The following DST variants were observed in gnomAD, a reference collection of about 807,000 sequenced individuals.
DST encodes the protein bullous pemphigoid antigen.
DST carries 253 observed loss-of-function variants against 875.2 expected under a neutral mutation model. The observed-to-expected ratio is 0.29, with a 90% CI of 0.26 to 0.32. The LOEUF (loss-of-function observed/expected upper bound fraction) is 0.32, where lower values mean the gene tolerates loss of function less well. Ranked by LOEUF, DST falls within the 10% of genes least tolerant of loss-of-function variation. The probability of loss-of-function intolerance (pLI) is 1.00; values close to 1 mark genes in which losing one functional copy is unlikely to be tolerated. For missense variants in DST, 8,287 were observed against 9,111.6 expected, an observed-to-expected ratio of 0.91 and a Z score of 3.68; for synonymous variants, 3,124 against 3,197.1, an observed-to-expected ratio of 0.98 and a Z score of 0.77.
chr6:56,635,463 G>A, intron 24 of DST, 126 bp downstream of exon 24: 2 of 955,530 alleles, frequency 2.1e-6, no homozygotes, highest in South Asian at 1.5e-5. Flanking sequence ...AACTGAATGT[G>A]CAAATGTGTA....
chr6:56,625,640 A>T (rs1425731314), intron 34 of DST, among the ~76,000 whole-genome samples: 3 of 152,044 alleles, frequency 2.0e-5, no homozygotes, highest in Non-Finnish European at 4.4e-5. Flanking sequence ...AATTATGTTC[A>T]GTATGTAATA....
Position 56,546,347 on chromosome 6 carries a change from CATATATATATATATATAT to C in DST, c.16608+5819_16608+5836del, listed in dbSNP as rs10617867. ...TATTAATTGAAATATATACATATTT[CATATATATATATATATAT>C]ATATATATATATATATATATATATA... On this transcript the variant is annotated intron_variant, in intron 61 of 103. Transcript: ENST00000680361. Among the ~76,000 whole-genome samples, 602 of 72,644 alleles carry C rather than the reference CATATATATATATATATAT, an allele frequency of 8.3e-3. 11 individuals carry two copies. Among genetic ancestry groups the C allele is most frequent in the Middle Eastern group, 0.013 (1 of 80 alleles). The allele number at this position is 72,644 out of a possible 152,430, so 47.7% of individuals were successfully genotyped here.
intron 36 of DST, chr6:56,617,969 C>G: frequency 6.2e-7 from 1 of 1,605,206 alleles, no homozygotes. Flanking sequence ...GATAAGGTCT[C>G]AGAACACAGA....
chr6:56,933,001 C>A (rs1055418532), intron 2 of DST, among the ~76,000 whole-genome samples: 5 of 151,776 alleles, frequency 3.3e-5, no homozygotes, highest in Admixed American at 3.3e-4. Flanking sequence ...AAGATAAAAT[C>A]TTAACATATG....
intron 4 of DST, among the ~76,000 whole-genome samples, chr6:56,803,639 GA>G (rs1407365157): frequency 6.6e-6 from 1 of 152,176 alleles, no homozygotes; most frequent in African/African-American, 2.4e-5. Flanking sequence ...CCCCTGATAT[GA>G]ATCTTACAGG....
chr6:56,768,175 C>G (rs1160775298), intron 4 of DST, among the ~76,000 whole-genome samples: 1 of 152,100 alleles, frequency 6.6e-6, no homozygotes, highest in Non-Finnish European at 1.5e-5. Context: ...TTTCTCAACA[C>G]AGAATATTTA....
At chr6:56,493,904 A>T (rs1166980795) in intron 83 of DST, 106 bp downstream of exon 83, 2 of 860,018 alleles carry the variant, frequency 2.3e-6, no homozygotes, top group Admixed American at 3.5e-5. Flanking sequence ...TTTAAACATA[A>T]ATCATTGAAA....
intron 4 of DST, among the ~76,000 whole-genome samples, chr6:56,776,338 A>T (rs1040504680): frequency 9.2e-5 from 14 of 152,240 alleles, no homozygotes; most frequent in African/African-American, 3.1e-4. Flanking sequence ...GTAATGTGGT[A>T]TCCCGGATAG....
At position 56,607,410 on chromosome 6, in the gene DST, T is replaced by C. The variant is rs757929841; in HGVS notation, c.7218A>G (p.Lys2406=). The C allele has an allele frequency of 6.2e-7, 1 of 1,612,132 alleles. No individual in the cohort carries two copies. Among genetic ancestry groups the C allele is most frequent in the South Asian group, 1.1e-5 (1 of 90,968 alleles). The stretch of plus-strand genomic sequence containing the variant: ...CATTCACACCACAGAATTTACTCAT[T>C]TTTGATTTCATAATAGGATTTTCTA... ...DLIENPIMKS[K]MSKFCGVNET... The change falls in exon 40 of 104, where the codon AAA becomes AAG. Residue 2406 remains lysine (K), a synonymous_variant. Transcript: ENST00000680361.
chr6:56,597,714 GA>G (rs1563069505), intron 47 of DST, 25 bp downstream of exon 47: 2 of 1,588,908 alleles, frequency 1.3e-6, no homozygotes, highest in Non-Finnish European at 8.6e-7. Context: ...AGAATTGAAC[GA>G]TATCATATGT....
intron 93 of DST, among the ~76,000 whole-genome samples, chr6:56,472,440 G>C (rs188848939): frequency 6.6e-6 from 1 of 152,224 alleles, no homozygotes; most frequent in Admixed American, 6.5e-5. Flanking sequence ...AAATATCTCT[G>C]GACAGGGGCA....
intron 4 of DST, among the ~76,000 whole-genome samples, chr6:56,752,759 T>C (rs1036370416): frequency 1.3e-5 from 2 of 152,210 alleles, no homozygotes; most frequent in Non-Finnish European, 1.5e-5. Flanking sequence ...CAATAGCAGT[T>C]TGTATTACTA....
Position 56,604,008 on chromosome 6 carries a change from A to G in DST, c.10620T>C (p.Tyr3540=). 1.2e-6 allele frequency: 2 copies of G among 1,602,598 alleles called. No individual in the cohort carries two copies. Among genetic ancestry groups the G allele is most frequent in the Non-Finnish European group, 1.7e-6 (2 of 1,173,530 alleles). ...GDIKSKEGNY[Y]SPNLETVKEI... is the part of the protein sequence containing the mutation. ...CTTTTACAGTTTCTAAATTAGGAGA[A>G]TAGTAGTTTCCTTCTTTGCTTTTAA... Residue 3540 remains tyrosine (Y), a synonymous_variant, in exon 40 of 104, where the codon TAT becomes TAC. Transcript: ENST00000680361.
chr6:56,614,701 C>G lies in DST; in HGVS notation c.4930-217G>C, dbSNP rs1161588642. On this transcript the variant is annotated intron_variant, in intron 36 of 103. Coordinates refer to ENST00000680361, the MANE Select transcript of DST (RefSeq NM_001374736.1). ...GCAAAGAAAGCTATGGCATACATTC[C>G]TTAATGATTGGTCTAACCTCCCAGC... 6 of 1,167,490 alleles carry G rather than the reference C, an allele frequency of 5.1e-6. No individual in the cohort carries two copies. In the East Asian group the frequency reaches 2.6e-4, roughly 50 times the overall value. 72.3% of individuals were successfully genotyped at this position (1,167,490 alleles called of 1,614,324 possible). A position where few individuals can be genotyped will look rare whatever the true frequency, so the allele number is the denominator to read the frequency against.
intron 4 of DST, among the ~76,000 whole-genome samples, chr6:56,777,723 A>C (rs1385540054): frequency 6.6e-6 from 1 of 151,444 alleles, no homozygotes; most frequent in Non-Finnish European, 1.5e-5. Context: ...TTTTTTTTTA[A>C]GATAGGGTCT....
At chr6:56,470,316 T>C (rs1432510636) in intron 95 of DST, 34 bp from the exon 96 acceptor site, 1 of 1,526,758 alleles carries the variant, frequency 6.5e-7, no homozygotes. Context: ...AGTAGTGACT[T>C]GTTAGTTCTT....
Position 56,627,288 on chromosome 6 carries a change from C to G in DST, c.4639-1G>C. ...TCATTTCTATTTCGGACACCAGCAT[C>G]TATAAATATACACAGTTTAGAACAA... On this transcript the variant is annotated splice_acceptor_variant, in intron 33 of 103. Transcript: ENST00000680361. LOFTEE classifies it high-confidence loss of function. 1 of 1,607,460 alleles carries G rather than the reference C, an allele frequency of 6.2e-7. No homozygotes were observed. Among genetic ancestry groups the G allele is most frequent in the Non-Finnish European group, 8.5e-7 (1 of 1,174,722 alleles).
chr6:56,889,748 A>G (rs1172553881), intron 3 of DST, among the ~76,000 whole-genome samples: 4 of 152,154 alleles, frequency 2.6e-5, no homozygotes, highest in Non-Finnish European at 5.9e-5. Context: ...AAACACATAA[A>G]TACTTTTTGG....
At chr6:56,837,545 A>G (rs1207220732) in intron 4 of DST, among the ~76,000 whole-genome samples, 1 of 152,154 alleles carries the variant, frequency 6.6e-6, no homozygotes, top group Non-Finnish European at 1.5e-5. Flanking sequence ...GCTGGGGATC[A>G]TAAAGGGTCA....
Sources: gnomAD v4.1 joint callset for allele counts (sites outside exome capture counted in the v4.1 genomes callset) on GRCh38, gnomAD v4.1.1 for gene constraint, MANE v1.5 for transcripts, NCBI Gene and HGNC (gene_info 2026-07-23, HGNC 2026-07-21) for gene names.